CSMD3: variants seen among roughly 807,000 people sequenced by gnomAD.
CSMD3 encodes CUB and sushi domain-containing protein 3.
CSMD3 carries 177 observed loss-of-function variants against 435.2 expected under a neutral mutation model. The ratio of observed to expected loss-of-function variants is 0.41; its 90% CI spans 0.36 to 0.46. CSMD3 has a LOEUF of 0.46. Among genes scored for constraint, CSMD3 ranks in the 20% least tolerant of loss-of-function variants. The probability of loss-of-function intolerance (pLI) is 0.34; values close to 1 mark genes in which losing one functional copy is unlikely to be tolerated. For synonymous variants in CSMD3, 1,656 were observed against 1,520.5 expected, an observed-to-expected ratio of 1.09 and a Z score of -2.07; for missense variants, 4,265 against 4,504.6, an observed-to-expected ratio of 0.95 and a Z score of 1.52.
intron 3 of CSMD3, among the ~76,000 whole-genome samples, chr8:113,224,376 C>T (rs1299436837): frequency 6.6e-6 from 1 of 151,176 alleles, no homozygotes; most frequent in Non-Finnish European, 1.5e-5. Context: ...CTGAAAACAA[C>T]AAACATATTT....
Position 113,153,123 on chromosome 8 carries a change from A to AAGAAAGAAAG in CSMD3, c.709+20598_709+20599insCTTTCTTTCT, listed in dbSNP as rs1564370928. 6.9e-4 allele frequency among the ~76,000 whole-genome samples: 61 copies of AAGAAAGAAAG among 88,444 alleles called. 1 individual carries two copies. The highest frequency in any genetic ancestry group is 2.8e-3 in the African/African-American group (53 of 18,878). 58.0% of individuals were successfully genotyped at this position (88,444 alleles called of 152,430 possible). On this transcript the variant is annotated intron_variant, in intron 4 of 70. Coordinates refer to ENST00000297405, the MANE Select transcript of CSMD3 (RefSeq NM_198123.2). ...AAGAAAAGAAAGAAAGAAAGAAAGA[A>AAGAAAGAAAG]AGAGAAAGAAGGAAGGAAGGAAGGA...
intron 1 of CSMD3, among the ~76,000 whole-genome samples, chr8:113,325,723 CA>C (rs1563702070): frequency 6.6e-6 from 1 of 152,166 alleles, no homozygotes; most frequent in African/African-American, 2.4e-5. Flanking sequence ...TGCAGTGCCA[CA>C]AGAGTTTGTT....
At chr8:112,727,824 A>G (rs1294107084) in intron 13 of CSMD3, among the ~76,000 whole-genome samples, 1 of 151,874 alleles carries the variant, frequency 6.6e-6, no homozygotes, top group African/African-American at 2.4e-5. Context: ...TCTAAATGGC[A>G]TTTTTAAACT....
intron 4 of CSMD3, among the ~76,000 whole-genome samples, chr8:113,129,805 C>T (rs1364640973): frequency 6.6e-6 from 1 of 152,002 alleles, no homozygotes; most frequent in Non-Finnish European, 1.5e-5. Flanking sequence ...GAAGAGGTAT[C>T]TCAGGTGATT....
chr8:113,018,834 C>T, intron 6 of CSMD3: 1 of 525,658 alleles, frequency 1.9e-6, no homozygotes, highest in Non-Finnish European at 3.4e-6. Context: ...CTACATACTA[C>T]CTTTTAGAAA....
chr8:113,059,067 A>G (rs1034803062), intron 5 of CSMD3, among the ~76,000 whole-genome samples: 1 of 152,166 alleles, frequency 6.6e-6, no homozygotes, highest in African/African-American at 2.4e-5. Context: ...GTTTTATTAT[A>G]CATAGCAGAA....
At chr8:113,195,791 T>TTATATATATATATATATA (rs749886578) in intron 3 of CSMD3, among the ~76,000 whole-genome samples, 32 of 125,974 alleles carry the variant, frequency 2.5e-4, no homozygotes, top group African/African-American at 9.3e-4. Flanking sequence ...ATCCTATATT[T>TTATATATATATATATATA]TATATATATA....
chr8:113,333,490 C>T (rs979911079), intron 1 of CSMD3, among the ~76,000 whole-genome samples: 3 of 151,738 alleles, frequency 2.0e-5, no homozygotes, highest in Admixed American at 6.6e-5. Flanking sequence ...TTTTGCTTTC[C>T]TGTGCATGTC....
At chr8:112,624,723 G>T (rs1014078828) in intron 22 of CSMD3, among the ~76,000 whole-genome samples, 2 of 151,942 alleles carry the variant, frequency 1.3e-5, no homozygotes, top group Non-Finnish European at 2.9e-5. Flanking sequence ...CTATGTACAT[G>T]CTGAACACTC....
At chr8:113,285,865 T>C (rs536158377) in intron 2 of CSMD3, among the ~76,000 whole-genome samples, 1 of 152,344 alleles carries the variant, frequency 6.6e-6, no homozygotes, top group African/African-American at 2.4e-5. Flanking sequence ...TCATTTCATT[T>C]TGATACATTT....
rs2131633046 is a variant in CSMD3, at chr8:112,650,297, G to A, written c.3057C>T (p.Gly1019=). ...SCLDPGIPVH[G]RRYGHDFSIG... ...TGGAGAAATCATGACCATAGCGACG[G>A]CCATGTACAGGTATGCCAGGGTCCA... Residue 1019 remains glycine (G), a synonymous_variant, in exon 19 of 71, where the codon GGC becomes GGT. Transcript: ENST00000297405. 2 of 1,613,754 alleles carry A rather than the reference G, an allele frequency of 1.2e-6. No individual in the cohort carries two copies. Among genetic ancestry groups the A allele is most frequent in the Middle Eastern group, 1.6e-4 (1 of 6,062 alleles).
chr8:113,355,865 T>C (rs544462978), intron 1 of CSMD3, among the ~76,000 whole-genome samples: 122 of 148,128 alleles, frequency 8.2e-4, no homozygotes, highest in African/African-American at 2.8e-3. Flanking sequence ...GTGAAGATCA[T>C]CTTACACTTG....
chr8:112,988,628 C>T (rs2085339176), intron 6 of CSMD3, among the ~76,000 whole-genome samples: 1 of 152,038 alleles, frequency 6.6e-6, no homozygotes, highest in Admixed American at 6.6e-5. Flanking sequence ...AAAGATTCTG[C>T]AAGTTTCTGG....
intron 1 of CSMD3, among the ~76,000 whole-genome samples, chr8:113,377,869 A>C (rs1299236075): frequency 6.6e-6 from 1 of 152,170 alleles, no homozygotes; most frequent in South Asian, 2.1e-4. Flanking sequence ...TGGATGAAAA[A>C]ATATTAAAAT....
intron 41 of CSMD3, among the ~76,000 whole-genome samples, chr8:112,341,910 A>T (rs1456995213): frequency 6.6e-6 from 1 of 152,144 alleles, no homozygotes; most frequent in African/African-American, 2.4e-5. Context: ...ATTAGTTAAA[A>T]GGAAAAACAT....
intron 3 of CSMD3, among the ~76,000 whole-genome samples, chr8:113,253,806 T>C (rs2093355858): frequency 6.7e-6 from 1 of 150,212 alleles, no homozygotes; most frequent in Non-Finnish European, 1.5e-5. Context: ...GCCACTGCAC[T>C]GCAGTCTGGT....
chr8:113,295,449 C>T (rs1047777224), intron 2 of CSMD3, among the ~76,000 whole-genome samples: 4 of 151,916 alleles, frequency 2.6e-5, no homozygotes, highest in Admixed American at 1.3e-4. Flanking sequence ...AAATGTTTTC[C>T]CATCAAAGAA....
At position 113,019,180 on chromosome 8, in the gene CSMD3, C is replaced by A. The variant is rs2131171392; in HGVS notation, c.918-1G>T. ...TGGTGGTATATTCATTCCAGATAACCTGAATTACAAAAGACAACAACAAAA... is the reference window on the plus strand; with the variant it reads ...TGGTGGTATATTCATTCCAGATAACATGAATTACAAAAGACAACAACAAAA... On this transcript the variant is annotated splice_acceptor_variant, in intron 5 of 70. Coordinates refer to ENST00000297405, the MANE Select transcript of CSMD3 (RefSeq NM_198123.2). LOFTEE classifies it high-confidence loss of function. 1 of 1,596,650 alleles carries A rather than the reference C, an allele frequency of 6.3e-7. No individual in the cohort carries two copies. The highest frequency in any genetic ancestry group is 8.6e-7 in the Non-Finnish European group (1 of 1,164,226).
chr8:113,365,620 C>A (rs182087264), intron 1 of CSMD3, among the ~76,000 whole-genome samples: 1 of 151,962 alleles, frequency 6.6e-6, no homozygotes, highest in East Asian at 1.9e-4. Flanking sequence ...AAATCATAGA[C>A]GTTGGCTGAG....
Sources: allele counts gnomAD v4.1 joint callset (sites outside exome capture counted in the v4.1 genomes callset), GRCh38; gene constraint gnomAD v4.1.1; transcripts MANE v1.5; gene names NCBI Gene and HGNC (gene_info 2026-07-23, HGNC 2026-07-21).